The following MAP7 variants were observed in gnomAD, a reference collection of about 807,000 sequenced individuals.
MAP7 encodes microtubule associated protein 7.
MAP7 carries 52 observed loss-of-function variants against 94.8 expected under a neutral mutation model. That is an observed-to-expected ratio of 0.55 (90% CI 0.44 to 0.69). The LOEUF (loss-of-function observed/expected upper bound fraction) is 0.69. Ranked by LOEUF, MAP7 falls within the 30% of genes least tolerant of loss-of-function variation. The pLI is 0.00. For missense variants in MAP7, 940 were observed against 964.6 expected (o/e 0.97, Z 0.34); for synonymous variants, 350 against 357.0 (o/e 0.98, Z 0.22).
chr6:136,352,248 C>G (rs1292321502), intron 16 of MAP7, among the ~76,000 whole-genome samples: 1 of 149,630 alleles, frequency 6.7e-6, no homozygotes, highest in Non-Finnish European at 1.5e-5. Flanking sequence ...AGTGCAGGGG[C>G]ATGATCAAGG....
intron 2 of MAP7, among the ~76,000 whole-genome samples, chr6:136,416,465 T>G (rs1223885167): frequency 6.6e-6 from 1 of 152,202 alleles, no homozygotes; most frequent in Non-Finnish European, 1.5e-5. Flanking sequence ...CCACCCCCAC[T>G]TATTTTCCCC....
rs540589967 is a variant in MAP7 at position 136,496,284 on chromosome 6, G to T, written c.67+54058C>A. On this transcript the variant is annotated intron_variant, in intron 1 of 17. Transcript: ENST00000354570. ...TACCTGTGGTTGGAAAAGAAGAGAAGCCTTAGTTGTCACAAAAGGACAGAC... is the reference window on the plus strand; with the variant it reads ...TACCTGTGGTTGGAAAAGAAGAGAATCCTTAGTTGTCACAAAAGGACAGAC... Among the ~76,000 whole-genome samples the T allele has an allele frequency of 3.3e-5, 5 of 152,292 alleles. 1 individual carries two copies. In the South Asian group the frequency reaches 1.0e-3, roughly 32 times the overall value.
intron 1 of MAP7, among the ~76,000 whole-genome samples, chr6:136,440,960 T>A (rs967783475): frequency 5.9e-5 from 9 of 152,212 alleles, no homozygotes; most frequent in Non-Finnish European, 1.0e-4. Flanking sequence ...TCTCTGTGCC[T>A]GGTGTATTTC....
At chr6:136,378,482 C>T (rs1776865553) in intron 6 of MAP7, among the ~76,000 whole-genome samples, 1 of 152,198 alleles carries the variant, frequency 6.6e-6, no homozygotes, top group Admixed American at 6.5e-5. Context: ...GACCTTTTCA[C>T]TTGGCAAGCC....
At chr6:136,387,678 G>A (rs1582756188) in intron 5 of MAP7, among the ~76,000 whole-genome samples, 1 of 151,896 alleles carries the variant, frequency 6.6e-6, no homozygotes, top group East Asian at 1.9e-4. Flanking sequence ...TAAATCCAGA[G>A]AGGAGAATGA....
chr6:136,404,636 A>G (rs13216360), intron 3 of MAP7, among the ~76,000 whole-genome samples: 4,341 of 152,302 alleles, frequency 0.029, 91 homozygotes, highest in Middle Eastern at 0.11. Flanking sequence ...GAAAGTACCA[A>G]TTAGGAATTT....
At chr6:136,509,036 A>G (rs966465163) in intron 1 of MAP7, among the ~76,000 whole-genome samples, 3 of 152,258 alleles carry the variant, frequency 2.0e-5, no homozygotes, top group Admixed American at 6.5e-5. Context: ...GTAAAAAGAT[A>G]TAGACCAGTA....
chr6:136,381,368 G>A (rs1425701495), intron 6 of MAP7, among the ~76,000 whole-genome samples: 1 of 151,736 alleles, frequency 6.6e-6, no homozygotes, highest in Non-Finnish European at 1.5e-5. Flanking sequence ...TAGTAGAGAT[G>A]GGGTTTCGCG....
At chr6:136,409,749 G>A (rs1404795927) in intron 3 of MAP7, among the ~76,000 whole-genome samples, 1 of 152,090 alleles carries the variant, frequency 6.6e-6, no homozygotes, top group Non-Finnish European at 1.5e-5. Flanking sequence ...ATTAATAGTT[G>A]CTACTTGTTT....
chr6:136,540,784 TA>T (rs1362050478), intron 1 of MAP7, among the ~76,000 whole-genome samples: 3 of 152,170 alleles, frequency 2.0e-5, no homozygotes, highest in Admixed American at 6.5e-5. Flanking sequence ...TGGGGAATTT[TA>T]AAAACACTGC....
At chr6:136,377,112 A>C (rs76506908) in intron 7 of MAP7, among the ~76,000 whole-genome samples, 65 of 152,380 alleles carry the variant, frequency 4.3e-4, no homozygotes, top group African/African-American at 1.6e-3. Flanking sequence ...TTCTCATTAA[A>C]TTAACTGGCT....
chr6:136,358,510 T>C (rs1433846813), intron 15 of MAP7, among the ~76,000 whole-genome samples: 1 of 152,190 alleles, frequency 6.6e-6, no homozygotes, highest in Non-Finnish European at 1.5e-5. Flanking sequence ...TAAAAGAGCA[T>C]GAAAACTCCA....
intron 1 of MAP7, among the ~76,000 whole-genome samples, chr6:136,460,984 C>T (rs1313735930): frequency 4.6e-5 from 7 of 152,116 alleles, no homozygotes; most frequent in African/African-American, 7.2e-5. Flanking sequence ...TTGGGTATAG[C>T]GAGCATAACT....
chr6:136,370,479 C>T (rs1344522428), intron 8 of MAP7, among the ~76,000 whole-genome samples: 5 of 152,186 alleles, frequency 3.3e-5, no homozygotes, highest in African/African-American at 9.7e-5. Context: ...CAGCGTTATT[C>T]ACAATAGCCA....
chr6:136,468,948 G>A (rs557723882), intron 1 of MAP7, among the ~76,000 whole-genome samples: 1 of 151,966 alleles, frequency 6.6e-6, no homozygotes, highest in East Asian at 1.9e-4. Context: ...ACATTGTGTG[G>A]AGACAGTGCA....
intron 1 of MAP7, among the ~76,000 whole-genome samples, chr6:136,537,788 A>AT (rs59705938): frequency 0.024 from 3,429 of 144,730 alleles, 115 homozygotes; most frequent in African/African-American, 0.075. Flanking sequence ...GAAGTTATGA[A>AT]TTTTTTTTTT....
intron 1 of MAP7, among the ~76,000 whole-genome samples, chr6:136,463,036 A>G (rs1249446340): frequency 6.6e-6 from 1 of 152,140 alleles, no homozygotes; most frequent in African/African-American, 2.4e-5. Flanking sequence ...AAATATCATA[A>G]GGCTCAGAAA....
At chr6:136,378,283 A>G (rs1776810309) in intron 6 of MAP7, among the ~76,000 whole-genome samples, 1 of 152,224 alleles carries the variant, frequency 6.6e-6, no homozygotes, top group Admixed American at 6.5e-5. Context: ...AAGTACCTTG[A>G]ATAATAAACC....
intron 1 of MAP7, chr6:136,525,720 C>G: frequency 8.3e-7 from 1 of 1,202,428 alleles, no homozygotes; most frequent in Non-Finnish European, 1.1e-6. Flanking sequence ...TAGGAGGTCA[C>G]AAGCACTCCC....
Sources: allele counts gnomAD v4.1 joint callset (sites outside exome capture counted in the v4.1 genomes callset), GRCh38; gene constraint gnomAD v4.1.1; transcripts MANE v1.5; gene names NCBI Gene and HGNC (gene_info 2026-07-23, HGNC 2026-07-21).